Variants in PNMA6E observed in about 807,000 individuals in gnomAD.
The protein encoded by PNMA6E is PNMA family member 6E.
For missense variants in PNMA6E, 78 were observed against 50.8 expected (o/e 1.53, Z -1.63); for synonymous variants, 43 against 17.1 (o/e 2.52, Z -3.74).
chrX:153,396,666 G>A lies in PNMA6E; in HGVS notation c.*240C>T. 4.2e-6 allele frequency: 1 copy of A among 236,636 alleles called. No homozygotes were observed. Among genetic ancestry groups the A allele is most frequent in the Non-Finnish European group, 7.6e-6 (1 of 131,720 alleles). 19.5% of individuals were successfully genotyped at this position (236,636 alleles called of 1,213,427 possible). A position where few individuals can be genotyped will look rare whatever the true frequency, so the allele number is the denominator to read the frequency against. On this transcript the variant is annotated 3_prime_UTR_variant, in exon 2 of 2. Transcript: ENST00000445091. The stretch of plus-strand genomic sequence containing the variant: ...GCCCCCCGTGGCGGCAGGGTTTGGG[G>A]CTGGGGCTGGGTGTGCTGGGTGCAA...
chrX:153,413,391 G>A, the PNMA6E span, among the ~76,000 whole-genome samples: 2 of 106,236 alleles, frequency 1.9e-5, no homozygotes, highest in African/African-American at 6.9e-5. Context: ...AGCCCTCCCC[G>A]CGTGGAGCAC....
chrX:153,405,331 T>C (rs1399860135), upstream of PNMA6E, among the ~76,000 whole-genome samples: 1 of 112,051 alleles, frequency 8.9e-6, no homozygotes, highest in Non-Finnish European at 1.9e-5. Flanking sequence ...GAAGAATACG[T>C]CCACAAACTC....
the PNMA6E span, among the ~76,000 whole-genome samples, chrX:153,407,823 T>C: frequency 8.9e-6 from 1 of 112,440 alleles, no homozygotes; most frequent in Non-Finnish European, 1.9e-5. Context: ...GAGCAGTCCA[T>C]GGCCCAAATG....
chrX:153,412,899 C>A, the PNMA6E span, among the ~76,000 whole-genome samples: 1 of 112,239 alleles, frequency 8.9e-6, no homozygotes, highest in Non-Finnish European at 1.9e-5. Context: ...GGCTAGGTTA[C>A]CCTCTGCCCC....
At chrX:153,406,496 C>G in the PNMA6E span, among the ~76,000 whole-genome samples, 3 of 112,646 alleles carry the variant, frequency 2.7e-5, no homozygotes, top group African/African-American at 9.7e-5. Flanking sequence ...TGCAAAGGTC[C>G]TGGAGCTGGA....
chrX:153,400,554 C>T (rs920098032), intron 1 of PNMA6E, among the ~76,000 whole-genome samples: 2 of 111,417 alleles, frequency 1.8e-5, no homozygotes, highest in Non-Finnish European at 3.8e-5. Context: ...GCCAGGGGCC[C>T]GACAATCCCG....
At chrX:153,403,746 C>G (rs1406462942), upstream of PNMA6E, 1 of 109,400 alleles carries the variant, frequency 9.1e-6, no homozygotes, top group Non-Finnish European at 1.9e-5. Flanking sequence ...AGTTTGAGAT[C>G]AGCCTGGGCA....
At chrX:153,411,489 T>C in the PNMA6E span, among the ~76,000 whole-genome samples, 4 of 109,702 alleles carry the variant, frequency 3.6e-5, no homozygotes, top group Non-Finnish European at 5.7e-5. Flanking sequence ...CCCGGCCCGC[T>C]CGTCGGCGCA....
Position 153,396,232 on chromosome X carries a change from C to A in PNMA6E, c.*674G>T. The A allele has an allele frequency of 8.0e-6, 1 of 124,245 alleles. No individual in the cohort carries two copies. 10.2% of individuals were successfully genotyped at this position (124,245 alleles called of 1,213,427 possible). On this transcript the variant is annotated 3_prime_UTR_variant, in exon 2 of 2. Transcript: ENST00000445091. ...ACGCAGCTCCACGAGAACAAGCAGCCCCTGGCCTAGATCTACGCCAGGAAA... is the reference window on the plus strand; with the variant it reads ...ACGCAGCTCCACGAGAACAAGCAGCACCTGGCCTAGATCTACGCCAGGAAA...
chrX:153,400,301 T>G (rs2088839789), intron 1 of PNMA6E, among the ~76,000 whole-genome samples: 1 of 111,853 alleles, frequency 8.9e-6, no homozygotes, highest in Non-Finnish European at 1.9e-5. Context: ...CAGGGGGCGC[T>G]CACCGTCGCC....
At chrX:153,409,408 A>T in the PNMA6E span, among the ~76,000 whole-genome samples, 2 of 112,619 alleles carry the variant, frequency 1.8e-5, no homozygotes, top group Non-Finnish European at 3.8e-5. Context: ...CAATAAGGGG[A>T]GTGGAGAGGA....
chrX:153,409,962 A>G, the PNMA6E span, among the ~76,000 whole-genome samples: 1 of 112,605 alleles, frequency 8.9e-6, no homozygotes, highest in Non-Finnish European at 1.9e-5. Context: ...CTCTGGGCTC[A>G]GCCTATTCCC....
chrX:153,404,552 T>C (rs1288215416), upstream of PNMA6E, among the ~76,000 whole-genome samples: 1 of 111,931 alleles, frequency 8.9e-6, no homozygotes, highest in Non-Finnish European at 1.9e-5. Flanking sequence ...ACAACTAAAC[T>C]AGCTAAACTC....
upstream of PNMA6E, among the ~76,000 whole-genome samples, chrX:153,403,448 A>C (rs2088863351): frequency 3.6e-5 from 4 of 112,155 alleles, no homozygotes; most frequent in Admixed American, 1.9e-4. Context: ...TTACTGGGAC[A>C]TCACCCCAAC....
chrX:153,397,692 G>A lies in PNMA6E; in HGVS notation c.1158C>T (p.Ser386=), dbSNP rs187538574. The change falls in exon 2 of 2, where the codon TCC becomes TCT. Residue 386 remains serine (S), a synonymous_variant. Coordinates refer to ENST00000445091, the MANE Select transcript of PNMA6E (RefSeq NM_001367770.1). ...SGLLEEDTNL[S]ALDCLAALGQ... The stretch of plus-strand genomic sequence containing the variant: ...CCAGCGCCGCCAGGCAGTCCAGCGC[G>A]GACAAGTTGGTATCTTCCTCCAGGA... The A allele has an allele frequency of 0.025, 7,506 of 302,970 alleles. 70 individuals are homozygous for A. The highest frequency in any genetic ancestry group is 0.033 in the Middle Eastern group (38 of 1,143). The allele number at this position is 302,970 out of a possible 1,213,427, so 25.0% of individuals were successfully genotyped here. A position where few individuals can be genotyped will look rare whatever the true frequency, so the allele number is the denominator to read the frequency against.
chrX:153,399,186 C>G (rs1332129016), intron 1 of PNMA6E, among the ~76,000 whole-genome samples: 1 of 112,196 alleles, frequency 8.9e-6, no homozygotes, highest in Non-Finnish European at 1.9e-5. Context: ...TCTCAGTTTT[C>G]AAAACTTTTG....
chrX:153,409,820 C>T, the PNMA6E span, among the ~76,000 whole-genome samples: 1 of 112,080 alleles, frequency 8.9e-6, no homozygotes, highest in African/African-American at 3.2e-5. Flanking sequence ...GCAGGTTGGC[C>T]GCTCACACTC....
chrX:153,413,427 G>A, the PNMA6E span, among the ~76,000 whole-genome samples: 1 of 107,559 alleles, frequency 9.3e-6, no homozygotes, highest in Non-Finnish European at 1.9e-5. Flanking sequence ...CCACCCATAG[G>A]CTAAGGTCCG....
At chrX:153,411,428 C>CCG in the PNMA6E span, among the ~76,000 whole-genome samples, 1 of 112,324 alleles carries the variant, frequency 8.9e-6, no homozygotes, top group Non-Finnish European at 1.9e-5. Flanking sequence ...TCCATGCCCC[C>CCG]CCCACAACGC....
Sources: gnomAD v4.1 joint callset for allele counts (sites outside exome capture counted in the v4.1 genomes callset) on GRCh38, gnomAD v4.1.1 for gene constraint, MANE v1.5 for transcripts, NCBI Gene and HGNC (gene_info 2026-07-23, HGNC 2026-07-21) for gene names.